The following LDAH variants were observed in gnomAD, a reference collection of about 807,000 sequenced individuals.
LDAH encodes lipid droplet-associated hydrolase.
LDAH carries 26 observed loss-of-function variants against 29.6 expected under a neutral mutation model. That is an observed-to-expected ratio of 0.88 (90% CI 0.64 to 1.22). The LOEUF is 1.22. Ranked by LOEUF, LDAH falls within the 50% of genes most tolerant of loss-of-function variation. The pLI is 0.00. For synonymous variants in LDAH, 117 were observed against 133.0 expected (o/e 0.88, Z 0.83); for missense variants, 344 against 387.3 (o/e 0.89, Z 0.94).
intron 3 of LDAH, among the ~76,000 whole-genome samples, chr2:20,784,282 T>C (rs990317413): frequency 2.0e-5 from 3 of 151,978 alleles, no homozygotes; most frequent in African/African-American, 7.2e-5. Flanking sequence ...GGCACACACT[T>C]GTGGTCTCAG....
At position 20,685,027 on chromosome 2, in the gene LDAH, A is replaced by T; in HGVS notation, c.*1876T>A. 7 of 1,450,820 alleles carry T rather than the reference A, an allele frequency of 4.8e-6. No individual in the cohort carries two copies. Among genetic ancestry groups the T allele is most frequent in the Non-Finnish European group, 6.5e-6 (7 of 1,076,572 alleles). The allele number at this position is 1,450,820 out of a possible 1,614,324, so 89.9% of individuals were successfully genotyped here. On this transcript the variant is annotated 3_prime_UTR_variant, in exon 7 of 7. Transcript: ENST00000237822. Reference sequence around the variant, plus strand: ...CTCAAATTGTACCCTCTCTTGCCCAACACAGAGATCAGGCCAGACCAGGTC... The same window carrying T: ...CTCAAATTGTACCCTCTCTTGCCCATCACAGAGATCAGGCCAGACCAGGTC...
intron 2 of LDAH, among the ~76,000 whole-genome samples, chr2:20,791,059 T>C (rs147519874): frequency 9.8e-5 from 15 of 152,334 alleles, no homozygotes; most frequent in Non-Finnish European, 1.9e-4. Context: ...AGTTTATCTA[T>C]TTCTTCATGT....
chr2:20,811,586 G>C (rs1248707379), intron 1 of LDAH, among the ~76,000 whole-genome samples: 1 of 151,762 alleles, frequency 6.6e-6, no homozygotes, highest in Admixed American at 6.6e-5. Flanking sequence ...CGGGGTTCAC[G>C]CCATTCTCCT....
rs1025371574 is a variant in LDAH at position 20,726,232 on chromosome 2, G to A, written c.703+13739C>T. 5.9e-5 allele frequency among the ~76,000 whole-genome samples: 9 copies of A among 152,340 alleles called. No homozygotes were observed. The South Asian group carries it at 6.2e-4, about 11-fold the overall frequency. The stretch of plus-strand genomic sequence containing the variant: ...CACATATCCAGGGCTTGCCTGAGAG[G>A]AGGCAGGGTAGGAGCTGACTGAAAA... On this transcript the variant is annotated intron_variant, in intron 5 of 6. Coordinates refer to ENST00000237822, the MANE Select transcript of LDAH (RefSeq NM_021925.4).
At chr2:20,707,595 T>A (rs979740872) in intron 5 of LDAH, among the ~76,000 whole-genome samples, 1 of 152,110 alleles carries the variant, frequency 6.6e-6, no homozygotes. Context: ...GCTCCAGAGA[T>A]CTGCAGAGGG....
chr2:20,807,441 C>G (rs1430364784), intron 1 of LDAH, among the ~76,000 whole-genome samples: 1 of 152,028 alleles, frequency 6.6e-6, no homozygotes, highest in Non-Finnish European at 1.5e-5. Flanking sequence ...GATGCAAAAA[C>G]TATTCAAAAT....
chr2:20,761,902 C>A (rs1668716759), intron 4 of LDAH, among the ~76,000 whole-genome samples: 1 of 151,062 alleles, frequency 6.6e-6, no homozygotes, highest in Non-Finnish European at 1.5e-5. Context: ...CATTAAATGT[C>A]TATAATAGTG....
chr2:20,789,255 A>C, intron 3 of LDAH: 1 of 1,550,598 alleles, frequency 6.4e-7, no homozygotes, highest in South Asian at 1.2e-5. Flanking sequence ...AATTAGGATC[A>C]GATGGGGTCA....
chr2:20,773,942 A>G (rs1288005451), intron 4 of LDAH, among the ~76,000 whole-genome samples: 2 of 152,194 alleles, frequency 1.3e-5, no homozygotes, highest in Non-Finnish European at 2.9e-5. Context: ...GAAACAAGAC[A>G]GTAGGTATCA....
At chr2:20,729,711 T>C (rs752547339) in intron 5 of LDAH, among the ~76,000 whole-genome samples, 1 of 152,242 alleles carries the variant, frequency 6.6e-6, no homozygotes, top group African/African-American at 2.4e-5. Flanking sequence ...ACAAATAATA[T>C]AGAGAAATCC....
Position 20,684,093 on chromosome 2 carries a change from C to T in LDAH, c.*2810G>A, listed in dbSNP as rs1050386711. The T allele has an allele frequency of 6.6e-6, 1 of 152,190 alleles. No individual in the cohort carries two copies. Among genetic ancestry groups the T allele is most frequent in the African/African-American group, 2.4e-5 (1 of 41,446 alleles). 9.4% of individuals were successfully genotyped at this position (152,190 alleles called of 1,614,324 possible). On this transcript the variant is annotated 3_prime_UTR_variant, in exon 7 of 7. Transcript: ENST00000237822. ...ACATCTCAAACTTCCAAAAAATCTG[C>T]AAGTACAAAGAACATTATTTTCCCC...
intron 4 of LDAH, among the ~76,000 whole-genome samples, chr2:20,769,744 CAAAAG>C (rs1669276554): frequency 6.6e-6 from 1 of 151,996 alleles, no homozygotes; most frequent in Non-Finnish European, 1.5e-5. Context: ...TTGAGGATCT[CAAAAG>C]AAGAGAAAAA....
At chr2:20,782,392 A>G (rs1351550652) in intron 3 of LDAH, among the ~76,000 whole-genome samples, 1 of 152,212 alleles carries the variant, frequency 6.6e-6, no homozygotes, top group Non-Finnish European at 1.5e-5. Flanking sequence ...TCACTTGATC[A>G]TGACCATATC....
intron 4 of LDAH, among the ~76,000 whole-genome samples, chr2:20,745,546 G>A (rs979171978): frequency 6.6e-6 from 1 of 152,128 alleles, no homozygotes; most frequent in African/African-American, 2.4e-5. Context: ...CAAAAGATAA[G>A]CATGTAAGGT....
At chr2:20,714,302 A>C (rs1029745213) in intron 5 of LDAH, among the ~76,000 whole-genome samples, 2 of 152,240 alleles carry the variant, frequency 1.3e-5, no homozygotes, top group Non-Finnish European at 2.9e-5. Flanking sequence ...AATGAAATGA[A>C]GGCAGAAATA....
At chr2:20,769,380 A>C (rs1047808667) in intron 4 of LDAH, among the ~76,000 whole-genome samples, 2 of 152,146 alleles carry the variant, frequency 1.3e-5, no homozygotes, top group Non-Finnish European at 2.9e-5. Context: ...GACAAAATTT[A>C]CTACGACAAA....
intron 5 of LDAH, among the ~76,000 whole-genome samples, chr2:20,718,348 A>T (rs567530879): frequency 6.6e-6 from 1 of 152,178 alleles, no homozygotes; most frequent in Non-Finnish European, 1.5e-5. Context: ...GAACTTTAAA[A>T]AGAGCAGGAA....
intron 5 of LDAH, among the ~76,000 whole-genome samples, chr2:20,735,917 C>G (rs1666741829): frequency 6.6e-6 from 1 of 152,068 alleles, no homozygotes; most frequent in South Asian, 2.1e-4. Flanking sequence ...ATGACCTTTA[C>G]TGATAATATG....
At chr2:20,819,973 GACAA>G (rs1243193636) in intron 1 of LDAH, among the ~76,000 whole-genome samples, 22 of 151,918 alleles carry the variant, frequency 1.4e-4, no homozygotes, top group South Asian at 8.3e-4. Flanking sequence ...ACCAATAACA[GACAA>G]ACAGAGAGCC....
Sources: gnomAD v4.1 joint callset for allele counts (sites outside exome capture counted in the v4.1 genomes callset) on GRCh38, gnomAD v4.1.1 for gene constraint, MANE v1.5 for transcripts, NCBI Gene and HGNC (gene_info 2026-07-23, HGNC 2026-07-21) for gene names.